CNGB1: variants seen among roughly 807,000 people sequenced by gnomAD.
CNGB1 encodes cyclic nucleotide-gated channel beta-1.
A neutral mutation model predicts 151.7 loss-of-function variants in CNGB1; 126 were observed. The observed-to-expected ratio is 0.83, with a 90% CI of 0.72 to 0.96. The LOEUF (loss-of-function observed/expected upper bound fraction) is 0.96. Ranked by LOEUF, CNGB1 falls within the 40% of genes least tolerant of loss-of-function variation. The pLI, the probability that CNGB1 is intolerant of heterozygous loss-of-function variation, is 0.00. For missense variants in CNGB1, 1,698 were observed against 1,627.0 expected, an observed-to-expected ratio of 1.04 and a Z score of -0.75; for synonymous variants, 623 against 635.1, an observed-to-expected ratio of 0.98 and a Z score of 0.29.
chr16:57,964,312 A>G, intron 3 of CNGB1, 110 bp from the exon 4 acceptor site: 1 of 1,392,714 alleles, frequency 7.2e-7, no homozygotes, highest in South Asian at 1.2e-5. Context: ...AGGGGTCAGA[A>G]AGCCAGGCTC....
At chr16:57,912,875 GTGTT>G (rs1960766282) in intron 24 of CNGB1, 51 bp downstream of exon 24, 8 of 1,550,442 alleles carry the variant, frequency 5.2e-6, no homozygotes, top group Admixed American at 1.7e-5. Flanking sequence ...CGTGTGTTGT[GTGTT>G]TGTGAGTGTC....
At chr16:57,962,656 T>G (rs766863534) in intron 6 of CNGB1, 46 bp from the exon 7 acceptor site, 4 of 1,604,290 alleles carry the variant, frequency 2.5e-6, no homozygotes, top group Non-Finnish European at 3.4e-6. Flanking sequence ...GCGGGAGACC[T>G]GCCCCAGCCC....
Position 57,919,224 on chromosome 16 carries a change from G to A in CNGB1, c.1832C>T (p.Pro611Leu). The change falls in exon 20 of 33, where the codon CCA becomes CTA. Residue 611 changes from proline to leucine, a missense_variant. By Grantham distance (98) the Pro-to-Leu change is moderately conservative (BLOSUM62 -3). Coordinates refer to ENST00000251102, the MANE Select transcript of CNGB1 (RefSeq NM_001297.5). ...SPAKKAPEPA[P>L]DTKPAEAEPV... Reference sequence around the variant, plus strand: ...CTCGGCTTCAGCGGGCTTTGTGTCTGGAGCTGGCTCTGGGGCTTTCTTGGC... The same window carrying A: ...CTCGGCTTCAGCGGGCTTTGTGTCTAGAGCTGGCTCTGGGGCTTTCTTGGC... 2 of 1,614,220 alleles carry A rather than the reference G, an allele frequency of 1.2e-6. No homozygotes were observed. Among genetic ancestry groups the A allele is most frequent in the South Asian group, 1.1e-5 (1 of 91,082 alleles).
chr16:57,895,318 T>C (rs1255103375), intron 31 of CNGB1, among the ~76,000 whole-genome samples: 1 of 151,788 alleles, frequency 6.6e-6, no homozygotes, highest in African/African-American at 2.4e-5. Context: ...TGGTGGCACA[T>C]GCCTGTAATT....
At chr16:57,898,771 C>G (rs777077435) in intron 29 of CNGB1, among the ~76,000 whole-genome samples, 2 of 152,160 alleles carry the variant, frequency 1.3e-5, no homozygotes, top group African/African-American at 2.4e-5. Context: ...GAGTCGAGAT[C>G]ACTCTTTGCC....
chr16:57,929,667 G>T (rs1286038470), intron 17 of CNGB1, among the ~76,000 whole-genome samples: 1 of 152,148 alleles, frequency 6.6e-6, no homozygotes, highest in Non-Finnish European at 1.5e-5. Context: ...ATGCGGAGGG[G>T]CCACACAGTT....
chr16:57,953,493 TAAAAAA>T (rs61409577), intron 12 of CNGB1, among the ~76,000 whole-genome samples: 1 of 122,822 alleles, frequency 8.1e-6, no homozygotes, highest in Admixed American at 8.6e-5. Flanking sequence ...GGCTCAATCT[TAAAAAA>T]AAAAAAAAAA....
Position 57,964,544 on chromosome 16 carries a change from G to T in CNGB1, c.160C>A (p.Pro54Thr), listed in dbSNP as rs200557535. The stretch of plus-strand genomic sequence containing the variant: ...TCCTCCTTGAATGACTCTTCGGGGG[G>T]CTAGAGGGTTCGAACAGGATCATGT... ...EEAETESESM[P>T]PEESFKEEEV... Residue 54 changes from proline to threonine, a missense_variant and splice_region_variant, in exon 3 of 33, where the codon CCC becomes ACC. Physicochemically the swap from Pro to Thr is conservative, Grantham distance 38. Transcript: ENST00000251102. The T allele has an allele frequency of 1.1e-5, 18 of 1,614,106 alleles. No homozygotes were observed. The highest frequency in any genetic ancestry group is 4.4e-5 in the South Asian group (4 of 91,084).
At chr16:57,924,453 T>C (rs1170738413) in intron 17 of CNGB1, among the ~76,000 whole-genome samples, 1 of 152,192 alleles carries the variant, frequency 6.6e-6, no homozygotes, top group South Asian at 2.1e-4. Context: ...CATATGTCCA[T>C]GAATGAAGTC....
chr16:57,926,883 G>A (rs1961204856), intron 17 of CNGB1, among the ~76,000 whole-genome samples: 1 of 152,352 alleles, frequency 6.6e-6, no homozygotes, highest in Non-Finnish European at 1.5e-5. Context: ...GGGAGGCTGA[G>A]GTAGGAGAAT....
intron 22 of CNGB1, among the ~76,000 whole-genome samples, chr16:57,915,778 AAT>A (rs1960848156): frequency 6.6e-6 from 1 of 151,976 alleles, no homozygotes; most frequent in Non-Finnish European, 1.5e-5. Flanking sequence ...GCACACTTGT[AAT>A]CCCAGCTACT....
chr16:57,956,538 G>A (rs1199107089), intron 12 of CNGB1, among the ~76,000 whole-genome samples: 1 of 152,142 alleles, frequency 6.6e-6, no homozygotes, highest in African/African-American at 2.4e-5. Flanking sequence ...TAGCGGGGCT[G>A]GGGCTGGACA....
chr16:57,903,562 G>A (rs574999536), intron 27 of CNGB1, among the ~76,000 whole-genome samples: 1 of 152,286 alleles, frequency 6.6e-6, no homozygotes, highest in South Asian at 2.1e-4. Flanking sequence ...GCATTTCAAG[G>A]TGGGTAAAGT....
chr16:57,950,418 A>G lies in CNGB1; in HGVS notation c.997T>C (p.Tyr333His). Residue 333 changes from tyrosine to histidine, a missense_variant, in exon 13 of 33, where the codon TAT becomes CAT. Transcript: ENST00000251102. ...TCCACAGCTTTGTTCTCTTCTTCATAAGCTGGAACCACCTCTGTACCCTGT... is the reference window on the plus strand; with the variant it reads ...TCCACAGCTTTGTTCTCTTCTTCATGAGCTGGAACCACCTCTGTACCCTGT... ...SPQGTEVVPA[Y>H]EEENKAVEKM... 1 of 1,614,200 alleles carries G rather than the reference A, an allele frequency of 6.2e-7. No homozygotes were observed. Among genetic ancestry groups the G allele is most frequent in the Non-Finnish European group, 8.5e-7 (1 of 1,180,036 alleles).
intron 26 of CNGB1, 72 bp downstream of exon 26, chr16:57,904,662 G>T: frequency 6.2e-7 from 1 of 1,602,564 alleles, no homozygotes; most frequent in South Asian, 1.1e-5. Context: ...CACAGAGGGT[G>T]ACATTTCTGG....
intron 12 of CNGB1, among the ~76,000 whole-genome samples, chr16:57,956,160 GC>G (rs1962079453): frequency 6.6e-6 from 1 of 152,166 alleles, no homozygotes; most frequent in African/African-American, 2.4e-5. Flanking sequence ...AAGGCTCTCT[GC>G]CCCAAGGAAA....
In CNGB1 at chr16:57,904,810, T is replaced by C. The variant is rs376117554; in HGVS notation, c.2558A>G (p.Lys853Arg). ...LITIGGLPDPKTLFEIVFQLL... is the reference protein window; with the variant it reads ...LITIGGLPDPRTLFEIVFQLL... ...CTGGAAGACAATTTCAAAGAGTGTC[T>C]TGGGGTCAGGCAGCCCCCCGATGGT... The change falls in exon 26 of 33, where the codon AAG becomes AGG. Residue 853 changes from lysine to arginine, a missense_variant. Lys to Arg is a conservative substitution (Grantham distance 26). Coordinates refer to ENST00000251102, the MANE Select transcript of CNGB1 (RefSeq NM_001297.5). The C allele has an allele frequency of 5.6e-6, 9 of 1,614,098 alleles. No homozygotes were observed. The highest frequency in any genetic ancestry group is 6.8e-6 in the Non-Finnish European group (8 of 1,180,016).
In CNGB1 at chr16:57,884,107, AGCGGGCGCT is replaced by A; in HGVS notation, c.*48_*56del. 1 of 1,610,464 alleles carries A rather than the reference AGCGGGCGCT, an allele frequency of 6.2e-7. No homozygotes were observed. The highest frequency in any genetic ancestry group is 8.5e-7 in the Non-Finnish European group (1 of 1,177,050). On this transcript the variant is annotated 3_prime_UTR_variant, in exon 33 of 33. Transcript: ENST00000251102. Reference sequence around the variant, plus strand: ...GTGGGGCGCTGGGGCGCAGGGGCGCAGCGGGCGCTGGGGACACACCTGCTGGAACTGCGC... The same window carrying A: ...GTGGGGCGCTGGGGCGCAGGGGCGCAGGGGACACACCTGCTGGAACTGCGC...
In CNGB1 at chr16:57,883,339, T is replaced by A. The variant is rs1181977068; in HGVS notation, c.*825A>T. ...GTTTTGTAGAGATGGGGTCTCAATA[T>A]GTTGCCCAGGCTGGTCTTGAACTCC... is the stretch of plus-strand genomic sequence containing the variant. On this transcript the variant is annotated 3_prime_UTR_variant, in exon 33 of 33. Transcript: ENST00000251102. The A allele has an allele frequency of 6.6e-6, 1 of 152,630 alleles. No individual in the cohort carries two copies. Among genetic ancestry groups the A allele is most frequent in the Non-Finnish European group, 1.5e-5 (1 of 68,374 alleles). 9.5% of individuals were successfully genotyped at this position (152,630 alleles called of 1,614,324 possible). A position where few individuals can be genotyped will look rare whatever the true frequency, so the allele number is the denominator to read the frequency against.
Sources: gnomAD v4.1 joint callset for allele counts (sites outside exome capture counted in the v4.1 genomes callset) on GRCh38, gnomAD v4.1.1 for gene constraint, MANE v1.5 for transcripts, NCBI Gene and HGNC (gene_info 2026-07-23, HGNC 2026-07-21) for gene names.